Variants in PTER observed in about 807,000 individuals in gnomAD.
PTER encodes phosphotriesterase related.
Under a neutral mutation model 29.6 loss-of-function variants are expected in PTER, and 38 were observed. That is an observed-to-expected ratio of 1.28 (90% CI 0.99 to 1.68). PTER has a LOEUF of 1.68. Among genes scored for constraint, PTER ranks in the 40% most tolerant of loss-of-function variants. The probability of loss-of-function intolerance (pLI) is 0.00; values close to 1 mark genes in which losing one functional copy is unlikely to be tolerated. For synonymous variants in PTER, 172 were observed against 154.5 expected (o/e 1.11, Z -0.84); for missense variants, 482 against 427.8 (o/e 1.13, Z -1.12).
chr10:16,462,834 G>A (rs1038199850), intron 1 of PTER, among the ~76,000 whole-genome samples: 1 of 149,810 alleles, frequency 6.7e-6, no homozygotes, highest in African/African-American at 2.4e-5. Context: ...GCCTCCCAAA[G>A]TGCTGGGATT....
At chr10:16,457,869 A>T (rs982941718) in intron 1 of PTER, among the ~76,000 whole-genome samples, 1 of 152,162 alleles carries the variant, frequency 6.6e-6, no homozygotes, top group East Asian at 1.9e-4. Flanking sequence ...TTGGCCTCCC[A>T]AAGTGCTGAG....
chr10:16,508,547 G>A (rs1836684849), intron 4 of PTER, among the ~76,000 whole-genome samples: 1 of 152,160 alleles, frequency 6.6e-6, no homozygotes, highest in Non-Finnish European at 1.5e-5. Context: ...CTGTGAAGGA[G>A]ATAGAAGGGT....
At chr10:16,491,684 A>G (rs769742264) in intron 3 of PTER, among the ~76,000 whole-genome samples, 3 of 152,114 alleles carry the variant, frequency 2.0e-5, no homozygotes, top group African/African-American at 7.2e-5. Flanking sequence ...AAAAGATCTG[A>G]GGCTACCTTG....
At chr10:16,446,590 T>C (rs565185888) in intron 1 of PTER, among the ~76,000 whole-genome samples, 40 of 152,296 alleles carry the variant, frequency 2.6e-4, no homozygotes, top group African/African-American at 8.9e-4. Context: ...CATTTGTGTA[T>C]TGAATTTAAT....
At position 16,484,340 on chromosome 10, in the gene PTER, A is replaced by G. The variant is rs369236155; in HGVS notation, c.-45A>G. The stretch of plus-strand genomic sequence containing the variant: ...TTGTTTGTTTGTTTGTTTTTAGAAA[A>G]AAGAAATCCTCTTTTTAGAACATCT... On this transcript the variant is annotated 5_prime_UTR_variant, in exon 2 of 5. Transcript: ENST00000535784. 1.5e-5 allele frequency: 23 copies of G among 1,491,518 alleles called. No individual in the cohort carries two copies. Among genetic ancestry groups the G allele is most frequent in the Non-Finnish European group, 2.0e-5 (22 of 1,108,190 alleles). 92.4% of individuals were successfully genotyped at this position (1,491,518 alleles called of 1,614,324 possible).
intron 4 of PTER, among the ~76,000 whole-genome samples, chr10:16,507,796 A>G (rs886682801): frequency 7.2e-5 from 11 of 152,214 alleles, no homozygotes; most frequent in Non-Finnish European, 1.3e-4. Context: ...CAGATCAGTT[A>G]TTTGACAAGT....
rs780043154 is a variant in PTER, at chr10:16,511,192, T to A, written c.986T>A (p.Ile329Lys). 1.2e-6 allele frequency: 2 copies of A among 1,614,126 alleles called. No homozygotes were observed. Among genetic ancestry groups the A allele is most frequent in the Non-Finnish European group, 1.7e-6 (2 of 1,179,978 alleles). Residue 329 changes from isoleucine to lysine, a missense_variant, in exon 5 of 5, where the codon ATA becomes AAA. Transcript: ENST00000535784. Reference sequence around the variant, plus strand: ...GTTCCTAAAATGTTGCTGAGAGGCATAACTGAGAATGTGCTTGATAAGATT... The same window carrying A: ...GTTCCTAAAATGTTGCTGAGAGGCAAAACTGAGAATGTGCTTGATAAGATT... The part of the protein sequence containing the change: ...NVVPKMLLRG[I>K]TENVLDKILI...
intron 3 of PTER, among the ~76,000 whole-genome samples, chr10:16,494,114 A>T (rs1836003868): frequency 1.3e-5 from 2 of 152,142 alleles, no homozygotes; most frequent in African/African-American, 4.8e-5. Context: ...CATTCCCTGA[A>T]CCGTGTATCG....
rs186588421 is a variant in PTER at position 16,487,526 on chromosome 10, G to A, written c.698+909G>A. Among the ~76,000 whole-genome samples, 302 of 152,258 alleles carry A rather than the reference G, an allele frequency of 2.0e-3. 2 individuals are homozygous for A. Among genetic ancestry groups the A allele is most frequent in the African/African-American group, 6.3e-3 (263 of 41,546 alleles). ...TCAGATCATTTACTTAATTATATCT[G>A]CAGACCTTTTCCCCAAATAATGTCA... On this transcript the variant is annotated intron_variant, in intron 3 of 4. Transcript: ENST00000535784.
chr10:16,499,277 A>G (rs1175454654), intron 3 of PTER, among the ~76,000 whole-genome samples: 1 of 151,934 alleles, frequency 6.6e-6, no homozygotes, highest in Non-Finnish European at 1.5e-5. Context: ...TTAATATCTC[A>G]TACCACATAC....
At chr10:16,443,507 C>T (rs1564382685) in intron 1 of PTER, among the ~76,000 whole-genome samples, 1 of 152,156 alleles carries the variant, frequency 6.6e-6, no homozygotes, top group Non-Finnish European at 1.5e-5. Context: ...ATTTGACCTT[C>T]CAAGTGATGA....
intron 3 of PTER, among the ~76,000 whole-genome samples, chr10:16,488,923 G>A (rs765351717): frequency 3.3e-5 from 5 of 152,202 alleles, no homozygotes; most frequent in East Asian, 1.9e-4. Flanking sequence ...TTTTAATTGC[G>A]TGCTTGGCAT....
At chr10:16,498,935 T>C (rs1313951202) in intron 3 of PTER, among the ~76,000 whole-genome samples, 1 of 152,194 alleles carries the variant, frequency 6.6e-6, no homozygotes, top group Non-Finnish European at 1.5e-5. Context: ...AGGTGCTTGT[T>C]CCTAGATGTC....
intron 3 of PTER, among the ~76,000 whole-genome samples, chr10:16,498,869 C>A (rs1423509271): frequency 6.6e-6 from 1 of 152,180 alleles, no homozygotes; most frequent in Non-Finnish European, 1.5e-5. Flanking sequence ...TGGAAGCCAT[C>A]CAGCTGAATG....
intron 1 of PTER, among the ~76,000 whole-genome samples, chr10:16,452,107 A>G (rs1281883805): frequency 1.3e-5 from 2 of 151,858 alleles, no homozygotes; most frequent in Non-Finnish European, 2.9e-5. Flanking sequence ...TCTTTTTTCT[A>G]AAACACATTA....
At chr10:16,450,661 A>T (rs1462903723) in intron 1 of PTER, among the ~76,000 whole-genome samples, 1 of 152,126 alleles carries the variant, frequency 6.6e-6, no homozygotes, top group East Asian at 1.9e-4. Context: ...TCTACAGGAG[A>T]TAAGACTCTC....
chr10:16,478,531 A>G (rs1322896214), intron 1 of PTER, among the ~76,000 whole-genome samples: 2 of 151,770 alleles, frequency 1.3e-5, no homozygotes, highest in Non-Finnish European at 2.9e-5. Flanking sequence ...ACGGGGTTTT[A>G]CTATGTTGGC....
chr10:16,451,189 G>T (rs1482022154), intron 1 of PTER, among the ~76,000 whole-genome samples: 1 of 130,242 alleles, frequency 7.7e-6, no homozygotes, highest in Non-Finnish European at 1.6e-5. Context: ...AGAAGGCTCA[G>T]CAAGCCTGCT....
intron 1 of PTER, among the ~76,000 whole-genome samples, chr10:16,443,229 C>T (rs7097505): frequency 0.024 from 3,621 of 152,206 alleles, 129 homozygotes; most frequent in African/African-American, 0.082. Context: ...TGTGGATGGC[C>T]GTCTTCCCTT....
Sources: allele counts gnomAD v4.1 joint callset (sites outside exome capture counted in the v4.1 genomes callset), GRCh38; gene constraint gnomAD v4.1.1; transcripts MANE v1.5; gene names NCBI Gene and HGNC (gene_info 2026-07-23, HGNC 2026-07-21).